The following TBC1D14 variants were observed in gnomAD, a reference collection of about 807,000 sequenced individuals.
TBC1D14 encodes the protein TBC1 domain family, member 14.
In TBC1D14, 26 loss-of-function variants were observed where a neutral mutation model predicts 79.0. The ratio of observed to expected loss-of-function variants is 0.33; its 90% CI spans 0.24 to 0.46. The LOEUF is 0.46. Among genes scored for constraint, TBC1D14 ranks in the 20% least tolerant of loss-of-function variants. The pLI, the probability that TBC1D14 is intolerant of heterozygous loss-of-function variation, is 1.00. For synonymous variants in TBC1D14, 394 were observed against 349.9 expected, an observed-to-expected ratio of 1.13 and a Z score of -1.40; for missense variants, 769 against 887.6, an observed-to-expected ratio of 0.87 and a Z score of 1.70.
At chr4:7,006,775 A>G (rs374685500) in intron 9 of TBC1D14, 49 bp downstream of exon 9, 11 of 1,555,654 alleles carry the variant, frequency 7.1e-6, no homozygotes, top group Non-Finnish European at 6.2e-6. Context: ...TCTAAAATTC[A>G]TAGATGCTGA....
intron 2 of TBC1D14, among the ~76,000 whole-genome samples, chr4:6,937,653 C>T (rs1163070289): frequency 6.6e-6 from 1 of 152,322 alleles, no homozygotes; most frequent in East Asian, 1.9e-4. Flanking sequence ...CGTCTTTCTC[C>T]AGCCATGTTT....
intron 2 of TBC1D14, among the ~76,000 whole-genome samples, chr4:6,932,717 G>A (rs1711877367): frequency 6.6e-6 from 1 of 152,152 alleles, no homozygotes; most frequent in South Asian, 2.1e-4. Flanking sequence ...TTGAACTCCT[G>A]GGCTCAAAAG....
intron 2 of TBC1D14, among the ~76,000 whole-genome samples, chr4:6,953,486 C>A (rs1309206811): frequency 7.1e-6 from 1 of 139,950 alleles, no homozygotes; most frequent in African/African-American, 2.6e-5. Flanking sequence ...AAAAAATTAG[C>A]CGGGCGAGGT....
Position 7,001,072 on chromosome 4 carries a change from G to A in TBC1D14, c.1164-73G>A, listed in dbSNP as rs1181540237. The A allele has an allele frequency of 1.6e-5, 21 of 1,315,128 alleles. No individual in the cohort carries two copies. In the African/African-American group the frequency reaches 1.9e-4, roughly 12 times the overall value. The allele number at this position is 1,315,128 out of a possible 1,614,324, so 81.5% of individuals were successfully genotyped here. A position where few individuals can be genotyped will look rare whatever the true frequency, so the allele number is the denominator to read the frequency against. The stretch of plus-strand genomic sequence containing the variant: ...GGTGCATCCCAGCTCTTGGTGGTTC[G>A]GGGCTAGGCACGCAGGTAGACAAAT... On this transcript the variant is annotated intron_variant, in intron 6 of 13. Coordinates refer to ENST00000409757, the MANE Select transcript of TBC1D14 (RefSeq NM_020773.3).
intron 2 of TBC1D14, among the ~76,000 whole-genome samples, chr4:6,925,223 C>T (rs575614875): frequency 2.3e-4 from 35 of 152,240 alleles, no homozygotes; most frequent in Admixed American, 2.2e-3. Flanking sequence ...GCCGAGATCG[C>T]GCCACCGCAC....
chr4:6,918,947 C>G (rs1201288730), intron 1 of TBC1D14, among the ~76,000 whole-genome samples: 1 of 151,822 alleles, frequency 6.6e-6, no homozygotes, highest in Non-Finnish European at 1.5e-5. Flanking sequence ...TGGATTCTTC[C>G]CAAGCAGGGG....
intron 3 of TBC1D14, among the ~76,000 whole-genome samples, chr4:6,985,407 T>C (rs561543885): frequency 1.3e-5 from 2 of 152,362 alleles, no homozygotes; most frequent in East Asian, 3.9e-4. Context: ...TTTTTAAAAT[T>C]AAAATGATCA....
At chr4:6,934,069 G>A (rs1407401270) in intron 2 of TBC1D14, among the ~76,000 whole-genome samples, 1 of 152,204 alleles carries the variant, frequency 6.6e-6, no homozygotes, top group Non-Finnish European at 1.5e-5. Flanking sequence ...TTGCAGGAAG[G>A]AGGTGGAGTA....
chr4:7,006,421 A>G (rs375652922), intron 8 of TBC1D14, among the ~76,000 whole-genome samples: 6 of 152,360 alleles, frequency 3.9e-5, no homozygotes, highest in African/African-American at 1.4e-4. Flanking sequence ...ATAATCTAGA[A>G]TTAGCTGGTG....
intron 1 of TBC1D14, among the ~76,000 whole-genome samples, chr4:6,918,734 C>A (rs968046275): frequency 7.9e-5 from 12 of 152,158 alleles, no homozygotes; most frequent in Admixed American, 5.2e-4. Context: ...CTAGTTTGAT[C>A]TGCTGGAGTG....
chr4:7,000,757 G>A (rs1719587338), intron 6 of TBC1D14, among the ~76,000 whole-genome samples: 1 of 152,188 alleles, frequency 6.6e-6, no homozygotes, highest in Non-Finnish European at 1.5e-5. Context: ...CTGCAGTGCC[G>A]CCTGGCACTC....
At chr4:6,935,589 C>T (rs866886045) in intron 2 of TBC1D14, among the ~76,000 whole-genome samples, 1 of 152,066 alleles carries the variant, frequency 6.6e-6, no homozygotes, top group South Asian at 2.1e-4. Flanking sequence ...CCTCTCTCCC[C>T]CTTCCATGCT....
At chr4:6,963,830 G>A (rs910310845) in intron 2 of TBC1D14, among the ~76,000 whole-genome samples, 1 of 152,154 alleles carries the variant, frequency 6.6e-6, no homozygotes, top group Non-Finnish European at 1.5e-5. Flanking sequence ...GAGTCTCACT[G>A]TGTCACCCAG....
At chr4:6,975,068 T>C (rs1204750857) in intron 3 of TBC1D14, among the ~76,000 whole-genome samples, 5 of 151,584 alleles carry the variant, frequency 3.3e-5, no homozygotes, top group Admixed American at 2.6e-4. Context: ...CCCGTCACCA[T>C]GCCTGGCTAA....
chr4:6,950,771 TA>T (rs769261183), intron 2 of TBC1D14, among the ~76,000 whole-genome samples: 2 of 152,260 alleles, frequency 1.3e-5, no homozygotes, highest in Non-Finnish European at 2.9e-5. Context: ...AACTTGTTCA[TA>T]ATATATTATA....
At chr4:7,027,203 T>G (rs778570531) in intron 13 of TBC1D14, among the ~76,000 whole-genome samples, 2 of 151,818 alleles carry the variant, frequency 1.3e-5, no homozygotes, top group African/African-American at 2.4e-5. Context: ...AGAGTGAGAC[T>G]CCATCTCAAA....
chr4:6,968,507 G>T (rs950925949), intron 3 of TBC1D14, among the ~76,000 whole-genome samples: 2 of 152,218 alleles, frequency 1.3e-5, no homozygotes, highest in Admixed American at 1.3e-4. Context: ...GAGACACAGA[G>T]GCTGTGTGAC....
chr4:6,934,708 GA>G (rs1490080258), intron 2 of TBC1D14, among the ~76,000 whole-genome samples: 1 of 152,092 alleles, frequency 6.6e-6, no homozygotes, highest in Non-Finnish European at 1.5e-5. Context: ...TAGCAATGAG[GA>G]GGCCATCAGT....
intron 2 of TBC1D14, among the ~76,000 whole-genome samples, chr4:6,928,387 T>C (rs4689055): frequency 0.65 from 98,934 of 152,076 alleles, 32,782 homozygotes; most frequent in South Asian, 0.8. Context: ...CAGAGAAGAA[T>C]ATTGGTGGTT....
Sources: gnomAD v4.1 joint callset for allele counts (sites outside exome capture counted in the v4.1 genomes callset) on GRCh38, gnomAD v4.1.1 for gene constraint, MANE v1.5 for transcripts, NCBI Gene and HGNC (gene_info 2026-07-23, HGNC 2026-07-21) for gene names.